The following ENTPD1 variants were observed in gnomAD, a reference collection of about 807,000 sequenced individuals.
ENTPD1 encodes ATP diphosphohydrolase.
Under a neutral mutation model 57.0 loss-of-function variants are expected in ENTPD1, and 33 were observed. The observed-to-expected ratio is 0.58, with a 90% CI of 0.44 to 0.77. The LOEUF is 0.77. ENTPD1 is among the 30% of genes least tolerant of loss of function. The pLI, the probability that ENTPD1 is intolerant of heterozygous loss-of-function variation, is 0.00. For missense variants in ENTPD1, 501 were observed against 603.4 expected, an observed-to-expected ratio of 0.83 and a Z score of 1.78; for synonymous variants, 202 against 218.8, an observed-to-expected ratio of 0.92 and a Z score of 0.68.
chr10:95,864,867 T>C lies in ENTPD1; in HGVS notation c.1326+6T>C, dbSNP rs971522483. 3 of 1,612,832 alleles carry C rather than the reference T, an allele frequency of 1.9e-6. No individual in the cohort carries two copies. The highest frequency in any genetic ancestry group is 1.7e-5 in the Admixed American group (1 of 59,982). On this transcript the variant is annotated splice_donor_region_variant and intron_variant, in intron 9 of 9. Transcript: ENST00000371205. ...ACATCCATTTCATTGGCAAGGTAAT[T>C]TGGGGGCCTGTTGGGCTGGGGGGAG... is the stretch of plus-strand genomic sequence containing the variant.
At chr10:95,842,851 T>C (rs536894039) in intron 4 of ENTPD1, among the ~76,000 whole-genome samples, 2 of 152,296 alleles carry the variant, frequency 1.3e-5, no homozygotes, top group African/African-American at 2.4e-5. Flanking sequence ...CTCATAGACA[T>C]CCCAGGTCAT....
At chr10:95,736,497 T>C (rs1434782071) in intron 1 of ENTPD1, among the ~76,000 whole-genome samples, 1 of 151,554 alleles carries the variant, frequency 6.6e-6, no homozygotes, top group Non-Finnish European at 1.5e-5. Context: ...TTCCCACCCC[T>C]CCAGCCATTT....
chr10:95,717,614 G>A (rs1447904935), intron 1 of ENTPD1, among the ~76,000 whole-genome samples: 1 of 152,192 alleles, frequency 6.6e-6, no homozygotes, highest in Non-Finnish European at 1.5e-5. Flanking sequence ...TTAAAGGTGG[G>A]TGTGGTCACC....
At chr10:95,864,056 A>T (rs2098469861) in intron 8 of ENTPD1, among the ~76,000 whole-genome samples, 1 of 152,196 alleles carries the variant, frequency 6.6e-6, no homozygotes, top group South Asian at 2.1e-4. Context: ...AGGATGAGTA[A>T]ACATAGGAAG....
At chr10:95,847,277 A>G in intron 6 of ENTPD1, 169 bp from the exon 7 acceptor site, 1 of 753,594 alleles carries the variant, frequency 1.3e-6, no homozygotes, top group Non-Finnish European at 2.3e-6. Context: ...TGTTACACAA[A>G]TCCATTTTTC....
intron 1 of ENTPD1, among the ~76,000 whole-genome samples, chr10:95,766,249 C>A (rs1241900654): frequency 2.0e-5 from 3 of 152,080 alleles, no homozygotes; most frequent in Non-Finnish European, 4.4e-5. Context: ...GTATGTATTT[C>A]CTAAGAACAA....
At chr10:95,800,246 C>T (rs909741221) in intron 1 of ENTPD1, among the ~76,000 whole-genome samples, 10 of 152,112 alleles carry the variant, frequency 6.6e-5, no homozygotes, top group Admixed American at 1.3e-4. Flanking sequence ...GATGTCATCA[C>T]GTATTGGTAG....
At chr10:95,825,410 C>T (rs559058938) in intron 2 of ENTPD1, among the ~76,000 whole-genome samples, 4 of 152,264 alleles carry the variant, frequency 2.6e-5, no homozygotes, top group Admixed American at 2.0e-4. Context: ...AAACTAGTAC[C>T]AGGATCATCC....
chr10:95,866,195 G>C lies in ENTPD1; in HGVS notation c.1345G>C (p.Gly449Arg). The change falls in exon 10 of 10, where the codon GGC (glycine) becomes CGC (arginine). Residue 449 changes from glycine to arginine, a missense_variant. Physicochemically the swap from Gly to Arg is moderately radical, Grantham distance 125. Transcript: ENST00000371205. ...FIGKIQGSDA[G>R]WTLGYMLNLT... ...TTTGCAGATCCAGGGCAGCGACGCCGGCTGGACTTTGGGCTACATGCTGAA... is the reference window on the plus strand; with the variant it reads ...TTTGCAGATCCAGGGCAGCGACGCCCGCTGGACTTTGGGCTACATGCTGAA... 6.2e-7 allele frequency: 1 copy of C among 1,613,880 alleles called. No homozygotes were observed. Among genetic ancestry groups the C allele is most frequent in the Non-Finnish European group, 8.5e-7 (1 of 1,179,924 alleles).
chr10:95,727,054 G>T (rs2139841170), intron 1 of ENTPD1, among the ~76,000 whole-genome samples: 1 of 152,220 alleles, frequency 6.6e-6, no homozygotes, highest in African/African-American at 2.4e-5. Context: ...CCCAGCTCAG[G>T]TTCAGAAGTT....
intron 2 of ENTPD1, chr10:95,833,448 A>G (rs1008457515): frequency 6.6e-6 from 1 of 152,244 alleles, no homozygotes; most frequent in Admixed American, 6.5e-5. Context: ...ATAGAGTACT[A>G]GAGTCTTACT....
rs2098486271 is a variant in ENTPD1 at position 95,876,884 on chromosome 10, T to C, written c.*10501T>C. ...TATAATAAAAGAAGAAATGAGCACA[T>C]ACATTCTTTTACTGACAGTCAAATG... On this transcript the variant is annotated 3_prime_UTR_variant, in exon 10 of 10. Coordinates refer to ENST00000371205, the MANE Select transcript of ENTPD1 (RefSeq NM_001776.6). Among the ~76,000 whole-genome samples the C allele has an allele frequency of 6.6e-6, 1 of 152,200 alleles. No homozygotes were observed. Among genetic ancestry groups the C allele is most frequent in the Non-Finnish European group, 1.5e-5 (1 of 68,038 alleles).
the ENTPD1 span, among the ~76,000 whole-genome samples, chr10:95,694,956 A>T: frequency 7.4e-6 from 1 of 134,586 alleles, no homozygotes; most frequent in South Asian, 2.3e-4. Context: ...GCTGGAGTGC[A>T]GTGGTGTGAT....
At chr10:95,722,729 T>C (rs1307329642) in intron 1 of ENTPD1, among the ~76,000 whole-genome samples, 1 of 152,192 alleles carries the variant, frequency 6.6e-6, no homozygotes, top group East Asian at 1.9e-4. Context: ...GAAACCTCTA[T>C]CGTCCTGTCC....
chr10:95,785,056 C>A (rs1050122858), intron 1 of ENTPD1: 1 of 151,636 alleles, frequency 6.6e-6, no homozygotes, highest in Non-Finnish European at 1.5e-5. Context: ...GAGGGCAGAG[C>A]AGCAGCCCAA....
At chr10:95,694,895 A>ATTTTTTTTT in the ENTPD1 span, among the ~76,000 whole-genome samples, 1 of 98,744 alleles carries the variant, frequency 1.0e-5, no homozygotes, top group Admixed American at 1.1e-4. Context: ...TGAGGAGCTG[A>ATTTTTTTTT]TTTTTTTTTT....
At chr10:95,811,433 C>G (rs777198716) in intron 1 of ENTPD1, among the ~76,000 whole-genome samples, 18 of 152,098 alleles carry the variant, frequency 1.2e-4, no homozygotes, top group African/African-American at 3.9e-4. Context: ...AACTGGAAAC[C>G]CTCTGTACAT....
chr10:95,711,716 G>C (rs1426545730), upstream of ENTPD1: 2 of 509,622 alleles, frequency 3.9e-6, no homozygotes, highest in Non-Finnish European at 7.1e-6. Context: ...CCAAAGTGCT[G>C]AGGTCACAGG....
At position 95,874,082 on chromosome 10, in the gene ENTPD1, C is replaced by T. The variant is rs2098483318; in HGVS notation, c.*7699C>T. On this transcript the variant is annotated 3_prime_UTR_variant, in exon 10 of 10. Coordinates refer to ENST00000371205, the MANE Select transcript of ENTPD1 (RefSeq NM_001776.6). ...CTGGGCTCCTCCAAATTTCATAATC[C>T]TCACATTTCAAAACCAATCATTCCT... is the stretch of plus-strand genomic sequence containing the variant. Among the ~76,000 whole-genome samples, 2 of 152,120 alleles carry T rather than the reference C, an allele frequency of 1.3e-5. No individual in the cohort carries two copies. The highest frequency in any genetic ancestry group is 1.3e-4 in the Admixed American group (2 of 15,278).
Sources: gnomAD v4.1 joint callset for allele counts (sites outside exome capture counted in the v4.1 genomes callset) on GRCh38, gnomAD v4.1.1 for gene constraint, MANE v1.5 for transcripts, NCBI Gene and HGNC (gene_info 2026-07-23, HGNC 2026-07-21) for gene names.